Variants in STRN3 observed in about 807,000 individuals in gnomAD.
STRN3 encodes the protein striatin-3.
A neutral mutation model predicts 95.6 loss-of-function variants in STRN3; 29 were observed. The observed-to-expected ratio is 0.30, with a 90% CI of 0.23 to 0.41. STRN3 has a LOEUF of 0.41. Ranked by LOEUF, STRN3 falls within the 10% of genes least tolerant of loss-of-function variation. The pLI is 1.00. For missense variants in STRN3, 890 were observed against 972.1 expected (o/e 0.92, Z 1.12); for synonymous variants, 331 against 357.6 (o/e 0.93, Z 0.84).
intron 1 of STRN3, among the ~76,000 whole-genome samples, chr14:31,000,424 T>C (rs1005887850): frequency 1.3e-5 from 2 of 151,762 alleles, no homozygotes; most frequent in African/African-American, 4.8e-5. Flanking sequence ...TTTTATATAC[T>C]ATTATAATTA....
intron 1 of STRN3, among the ~76,000 whole-genome samples, chr14:30,968,401 A>C (rs1364104341): frequency 6.6e-6 from 1 of 151,106 alleles, no homozygotes; most frequent in Non-Finnish European, 1.5e-5. Context: ...AAAAAAAAAA[A>C]ACAGGCGTGG....
At chr14:31,000,595 A>C (rs1241701416) in intron 1 of STRN3, among the ~76,000 whole-genome samples, 1 of 152,170 alleles carries the variant, frequency 6.6e-6, no homozygotes, top group Non-Finnish European at 1.5e-5. Context: ...ATGAATGAGA[A>C]AAACAAAAAG....
intron 14 of STRN3, 150 bp from the exon 15 acceptor site, chr14:30,905,708 G>T (rs1267673303): frequency 6.5e-6 from 5 of 772,032 alleles, no homozygotes; most frequent in Non-Finnish European, 9.8e-6. Context: ...ACTGTGTCAG[G>T]ATGGTGAGAT....
chr14:30,973,821 G>A (rs1880957469), intron 1 of STRN3, among the ~76,000 whole-genome samples: 1 of 152,158 alleles, frequency 6.6e-6, no homozygotes, highest in South Asian at 2.1e-4. Context: ...TTCAACATAT[G>A]AAAATCAAGC....
chr14:30,923,423 TAA>T (rs1896933241), intron 8 of STRN3, among the ~76,000 whole-genome samples: 1 of 152,136 alleles, frequency 6.6e-6, no homozygotes, highest in African/African-American at 2.4e-5. Context: ...AATGTATTGA[TAA>T]TCAGGCCAGA....
intron 1 of STRN3, among the ~76,000 whole-genome samples, chr14:30,969,380 T>C (rs1354715231): frequency 6.6e-6 from 1 of 151,710 alleles, no homozygotes; most frequent in East Asian, 1.9e-4. Context: ...GAGCTTGCAA[T>C]GAGCTGAGAT....
intron 1 of STRN3, among the ~76,000 whole-genome samples, chr14:30,962,836 T>C (rs74474936): frequency 0.045 from 6,542 of 145,692 alleles, 174 homozygotes; most frequent in Non-Finnish European, 0.066. Flanking sequence ...CCTGGCCCCA[T>C]TTTTTTTTTT....
chr14:31,026,029 C>T lies in STRN3; in HGVS notation c.157G>A (p.Ala53Thr). The change falls in exon 1 of 18, where the codon GCA becomes ACA. Residue 53 changes from alanine (A) to threonine (T), a missense_variant. By Grantham distance (58) the Ala-to-Thr change is moderately conservative (BLOSUM62 0). Around this residue, in one of 3 missense-constraint regions of STRN3, gnomAD observed 526 missense variants for 526.3 expected, o/e 1.00. Transcript: ENST00000357479. The stretch of plus-strand genomic sequence containing the variant: ...TGCGGCCGGGACAGCTCGGGGCCTG[C>T]CGCGGGACCCGCTCCCTCGGAGGCC... ...PPASEGAGPAAGPELSRPQQY... is the reference protein window; with the variant it reads ...PPASEGAGPATGPELSRPQQY... The T allele has an allele frequency of 3.9e-6, 6 of 1,538,796 alleles. No individual in the cohort carries two copies. The highest frequency in any genetic ancestry group is 4.4e-6 in the Non-Finnish European group (5 of 1,141,882).
chr14:30,969,531 AAC>A (rs372452909), intron 1 of STRN3, among the ~76,000 whole-genome samples: 29 of 152,368 alleles, frequency 1.9e-4, no homozygotes, highest in African/African-American at 6.3e-4. Flanking sequence ...TAACATTAAT[AAC>A]ACACTAATAT....
chr14:31,015,712 T>C (rs1458457343), intron 1 of STRN3, among the ~76,000 whole-genome samples: 1 of 152,222 alleles, frequency 6.6e-6, no homozygotes, highest in Non-Finnish European at 1.5e-5. Flanking sequence ...ATGCTCCTTT[T>C]GGCTCTGCAG....
intron 16 of STRN3, among the ~76,000 whole-genome samples, chr14:30,901,619 T>C (rs1434207935): frequency 6.6e-6 from 1 of 152,208 alleles, no homozygotes; most frequent in East Asian, 1.9e-4. Flanking sequence ...CAAAGTAGCC[T>C]TCCTAGCTGT....
At chr14:30,985,970 G>A (rs963751485) in intron 1 of STRN3, among the ~76,000 whole-genome samples, 2 of 152,048 alleles carry the variant, frequency 1.3e-5, no homozygotes, top group South Asian at 2.1e-4. Context: ...ATAAGCACTT[G>A]TGTGCATGCG....
At chr14:30,986,505 A>T (rs1040133593) in intron 1 of STRN3, among the ~76,000 whole-genome samples, 1 of 152,198 alleles carries the variant, frequency 6.6e-6, no homozygotes, top group Non-Finnish European at 1.5e-5. Context: ...CAAGTACCTA[A>T]CCTAAAAGGT....
At chr14:30,924,583 C>G (rs989252088) in intron 8 of STRN3, among the ~76,000 whole-genome samples, 9 of 152,156 alleles carry the variant, frequency 5.9e-5, no homozygotes, top group African/African-American at 2.2e-4. Flanking sequence ...TGAACCACTG[C>G]ACCCAGCCTC....
intron 4 of STRN3, among the ~76,000 whole-genome samples, chr14:30,948,620 A>G (rs1290367663): frequency 6.6e-6 from 1 of 152,238 alleles, no homozygotes; most frequent in African/African-American, 2.4e-5. Context: ...AGGTCTCTTG[A>G]ATACGTTTGT....
intron 16 of STRN3, among the ~76,000 whole-genome samples, chr14:30,902,199 AAAAAAAAAAT>A (rs1465371327): frequency 7.9e-4 from 114 of 144,628 alleles, no homozygotes; most frequent in East Asian, 5.1e-3. Flanking sequence ...AAAAAAAAAA[AAAAAAAAAAT>A]GGAAATGCCA....
intron 14 of STRN3, among the ~76,000 whole-genome samples, chr14:30,906,487 C>T (rs1029059881): frequency 7.9e-5 from 12 of 152,102 alleles, no homozygotes; most frequent in African/African-American, 2.7e-4. Context: ...GGCTGGACTA[C>T]TCAACTAGTG....
intron 1 of STRN3, among the ~76,000 whole-genome samples, chr14:31,002,647 G>GAAA (rs35719624): frequency 1.1e-4 from 16 of 141,004 alleles, no homozygotes; most frequent in South Asian, 2.3e-4. Flanking sequence ...TCTCAAAAAA[G>GAAA]AAAAAAAAAA....
chr14:30,929,966 A>AAAAAAAAAAC (rs1878424289), intron 7 of STRN3, among the ~76,000 whole-genome samples: 3 of 108,282 alleles, frequency 2.8e-5, no homozygotes, highest in African/African-American at 1.2e-4. Context: ...AAAAAAAAAA[A>AAAAAAAAAAC]AAAAAAAAAA....
Sources: gnomAD v4.1 joint callset for allele counts (sites outside exome capture counted in the v4.1 genomes callset) on GRCh38, gnomAD v4.1.1 for gene constraint, gnomAD v4.1.1 regional missense constraint, MANE v1.5 for transcripts, NCBI Gene and HGNC (gene_info 2026-07-23, HGNC 2026-07-21) for gene names.